THADA: variants seen among roughly 807,000 people sequenced by gnomAD.
THADA encodes the protein THADA armadillo repeat containing.
Under a neutral mutation model 219.8 loss-of-function variants are expected in THADA, and 213 were observed. The ratio of observed to expected loss-of-function variants is 0.97; its 90% CI spans 0.87 to 1.09. The LOEUF is 1.09. Among genes scored for constraint, THADA ranks in the 50% least tolerant of loss-of-function variants. THADA has a pLI of 0.00. For synonymous variants in THADA, 1,018 were observed against 828.9 expected, an observed-to-expected ratio of 1.23 and a Z score of -3.92; for missense variants, 2,956 against 2,311.3, an observed-to-expected ratio of 1.28 and a Z score of -5.72.
chr2:43,308,772 A>C (rs1360943481), intron 31 of THADA, among the ~76,000 whole-genome samples: 3 of 150,222 alleles, frequency 2.0e-5, no homozygotes, highest in Non-Finnish European at 4.5e-5. Context: ...AAAAAAAAAA[A>C]AAAAAAAAAA....
At chr2:43,498,682 G>C in intron 25 of THADA, 151 bp downstream of exon 25, 1 of 894,698 alleles carries the variant, frequency 1.1e-6, no homozygotes, top group Non-Finnish European at 1.6e-6. Context: ...GAAATATCAA[G>C]AATCAAAAAT....
At chr2:43,518,997 A>G (rs779920532) in intron 22 of THADA, among the ~76,000 whole-genome samples, 1 of 152,004 alleles carries the variant, frequency 6.6e-6, no homozygotes, top group Non-Finnish European at 1.5e-5. Context: ...CAGCATGTTT[A>G]AAGCATTATT....
intron 36 of THADA, among the ~76,000 whole-genome samples, chr2:43,267,363 T>C (rs190235643): frequency 5.4e-4 from 83 of 152,348 alleles, no homozygotes; most frequent in Non-Finnish European, 6.9e-4. Flanking sequence ...CCCCAGATGT[T>C]AGTGCCCATG....
At chr2:43,433,515 T>C (rs1322992188) in intron 26 of THADA, among the ~76,000 whole-genome samples, 3 of 151,090 alleles carry the variant, frequency 2.0e-5, no homozygotes, top group African/African-American at 7.3e-5. Context: ...GGCGACAGAG[T>C]GAGACTCCAT....
chr2:43,591,018 G>A, intron 3 of THADA, 64 bp from the exon 4 acceptor site: 6 of 1,489,498 alleles, frequency 4.0e-6, no homozygotes, highest in Non-Finnish European at 5.5e-6. Flanking sequence ...CATGGTTACA[G>A]ATACTCTTTG....
chr2:43,457,118 C>T (rs1045625111), intron 26 of THADA, among the ~76,000 whole-genome samples: 2 of 126,398 alleles, frequency 1.6e-5, no homozygotes, highest in African/African-American at 5.9e-5. Flanking sequence ...GTAGAAAAAA[C>T]GTATTTAGGA....
At chr2:43,509,515 T>G (rs1690119167) in intron 22 of THADA, among the ~76,000 whole-genome samples, 1 of 152,196 alleles carries the variant, frequency 6.6e-6, no homozygotes, top group African/African-American at 2.4e-5. Context: ...TAACTGAAAT[T>G]AATATATGAA....
chr2:43,339,499 C>A (rs528263544), intron 30 of THADA, among the ~76,000 whole-genome samples: 1 of 152,270 alleles, frequency 6.6e-6, no homozygotes, highest in African/African-American at 2.4e-5. Context: ...AGGCTGGTCT[C>A]AAACTCCTGG....
chr2:43,371,842 A>G (rs1670840808), intron 29 of THADA: 1 of 151,412 alleles, frequency 6.6e-6, no homozygotes, highest in East Asian at 1.9e-4. Flanking sequence ...TTTCTGGTGC[A>G]CTAAAAAAAA....
Position 43,314,832 on chromosome 2 carries a change from T to A in THADA, c.4438+5614A>T, listed in dbSNP as rs142363974. Among the ~76,000 whole-genome samples the A allele has an allele frequency of 1.3e-3, 201 of 152,350 alleles. 3 individuals carry two copies. Among genetic ancestry groups the A allele is most frequent in the Admixed American group, 0.011 (165 of 15,310 alleles). ...GAACACAGGGGACAGAGAGTCCTTGTGGGTTTAAAACTCAAAACAAAACCC... is the reference window on the plus strand; with the variant it reads ...GAACACAGGGGACAGAGAGTCCTTGAGGGTTTAAAACTCAAAACAAAACCC... On this transcript the variant is annotated intron_variant, in intron 31 of 37. Transcript: ENST00000405975.
intron 36 of THADA, among the ~76,000 whole-genome samples, chr2:43,273,651 G>A (rs896236513): frequency 1.3e-5 from 2 of 152,184 alleles, no homozygotes; most frequent in African/African-American, 2.4e-5. Flanking sequence ...CTGGTGGGCA[G>A]CCTTAGAGGT....
At chr2:43,591,487 A>G (rs1012075688) in intron 3 of THADA, among the ~76,000 whole-genome samples, 1 of 152,020 alleles carries the variant, frequency 6.6e-6, no homozygotes, top group African/African-American at 2.4e-5. Flanking sequence ...AGAATCACAG[A>G]CCTGTTAATG....
Position 43,230,994 on chromosome 2 carries a change from G to A in THADA, c.5816C>T (p.Ala1939Val), listed in dbSNP as rs755119430. Residue 1939 changes from alanine (A) to valine (V), a missense_variant, in exon 38 of 38, where the codon GCA becomes GTA. Coordinates refer to ENST00000405975, the MANE Select transcript of THADA (RefSeq NM_022065.5). The stretch of plus-strand genomic sequence containing the variant: ...TGGAAGAGTTAACTGCCTCGATTCT[G>A]CATAAGAGTCCCAAACACTGAGAAC... ...TLVLSVWDSY[A>V]ESRQLTLPRT... 1.8e-5 allele frequency: 29 copies of A among 1,613,726 alleles called. No individual in the cohort carries two copies. Among genetic ancestry groups the A allele is most frequent in the Non-Finnish European group, 2.1e-5 (25 of 1,179,820 alleles).
chr2:43,557,765 T>C (rs1256519402), intron 16 of THADA, among the ~76,000 whole-genome samples: 1 of 152,240 alleles, frequency 6.6e-6, no homozygotes, highest in Non-Finnish European at 1.5e-5. Flanking sequence ...ACTAGGATTA[T>C]TCCCTATCTT....
At chr2:43,581,672 G>A (rs959801052) in intron 8 of THADA, 69 bp downstream of exon 8, 37 of 1,380,886 alleles carry the variant, frequency 2.7e-5, no homozygotes, top group Non-Finnish European at 3.7e-5. Context: ...CTATTAGTAG[G>A]AAAAGCTGAT....
chr2:43,588,299 A>G (rs1701208738), intron 4 of THADA, among the ~76,000 whole-genome samples: 1 of 152,290 alleles, frequency 6.6e-6, no homozygotes, highest in Non-Finnish European at 1.5e-5. Context: ...GAGCAAAAAA[A>G]AAAAAAATAG....
chr2:43,446,601 C>A (rs1055794527), intron 26 of THADA, among the ~76,000 whole-genome samples: 1 of 152,096 alleles, frequency 6.6e-6, no homozygotes, highest in Non-Finnish European at 1.5e-5. Flanking sequence ...CAACACATGG[C>A]GAAGAAGGAC....
intron 21 of THADA, among the ~76,000 whole-genome samples, chr2:43,529,458 T>A (rs1352317181): frequency 2.0e-5 from 3 of 152,196 alleles, no homozygotes; most frequent in Non-Finnish European, 4.4e-5. Flanking sequence ...GGAGTCCTTC[T>A]GCATCAGCCT....
At chr2:43,296,040 C>T (rs1675334656) in intron 31 of THADA, among the ~76,000 whole-genome samples, 2 of 151,858 alleles carry the variant, frequency 1.3e-5, no homozygotes, top group Admixed American at 1.3e-4. Flanking sequence ...CTGCCTCAGC[C>T]TCCTGAGTAG....
Sources: allele counts gnomAD v4.1 joint callset (sites outside exome capture counted in the v4.1 genomes callset), GRCh38; gene constraint gnomAD v4.1.1; transcripts MANE v1.5; gene names NCBI Gene and HGNC (gene_info 2026-07-23, HGNC 2026-07-21).